Variants in CIC observed in about 807,000 individuals in gnomAD.
CIC encodes the protein protein capicua homolog.
In CIC, 18 loss-of-function variants were observed where a neutral mutation model predicts 115.7. The ratio of observed to expected loss-of-function variants is 0.16; its 90% CI spans 0.11 to 0.23. CIC has a LOEUF of 0.23. CIC is among the 10% of genes least tolerant of loss of function. The probability of loss-of-function intolerance (pLI) is 1.00; values close to 1 mark genes in which losing one functional copy is unlikely to be tolerated. For missense variants in CIC, 2,000 were observed against 2,159.3 expected (o/e 0.93, Z 1.46); for synonymous variants, 1,076 against 923.0 (o/e 1.17, Z -3.01).
chr19:42,270,037 C>A lies in CIC; in HGVS notation c.-11+656C>A, dbSNP rs73932879. Reference sequence around the variant, plus strand: ...TAGGGGAAAGAAAGCAGCTCTGGGGCGAAGAGAGGCTGGGCCAGGCAGCAA... The same window carrying A: ...TAGGGGAAAGAAAGCAGCTCTGGGGAGAAGAGAGGCTGGGCCAGGCAGCAA... On this transcript the variant is annotated intron_variant, in intron 1 of 20. Transcript: ENST00000681038. This position sits in a 1 kb window ranked among gnomAD's most constrained non-coding sequence, Gnocchi z 4.1. Among the ~76,000 whole-genome samples the A allele has an allele frequency of 0.026, 4,024 of 152,074 alleles. 164 individuals are homozygous for A. Among genetic ancestry groups the A allele is most frequent in the African/African-American group, 0.09 (3,728 of 41,450 alleles).
Position 42,292,158 on chromosome 19 carries a change from C to G in CIC, c.5686C>G (p.Pro1896Ala). 6.2e-7 allele frequency: 1 copy of G among 1,613,976 alleles called. No individual in the cohort carries two copies. The change falls in exon 13 of 21, where the codon CCT becomes GCT. Residue 1896 changes from proline (P) to alanine (A), a missense_variant. Pro to Ala is a conservative substitution (Grantham distance 27, BLOSUM62 -1). This residue lies in a region of CIC where 1,466 missense variants were observed against 1,390.4 expected (regional missense o/e 1.05). Transcript: ENST00000681038. ...LVPPLSPATL[P>A]GPTSQPQKVL... ...GCCGCCCCTGAGCCCAGCCACACTCCCTGGACCCACCTCTCAGCCTCAGAA... is the reference window on the plus strand; with the variant it reads ...GCCGCCCCTGAGCCCAGCCACACTCGCTGGACCCACCTCTCAGCCTCAGAA...
In CIC at chr19:42,287,986, C is replaced by T; in HGVS notation, c.3658+11C>T. 6.3e-7 allele frequency: 1 copy of T among 1,580,458 alleles called. No individual in the cohort carries two copies. The highest frequency in any genetic ancestry group is 1.3e-5 in the African/African-American group (1 of 74,570). ...CTGCTGCCCCTGGGGGTTAGTCAGCCCCTTGGCTCTCCCACCCTGCCACCT... is the reference window on the plus strand; with the variant it reads ...CTGCTGCCCCTGGGGGTTAGTCAGCTCCTTGGCTCTCCCACCCTGCCACCT... On this transcript the variant is annotated intron_variant, in intron 7 of 20. Coordinates refer to ENST00000681038, the MANE Select transcript of CIC (RefSeq NM_001386298.1). This position sits in a 1 kb window ranked among gnomAD's most constrained non-coding sequence, Gnocchi z 8.7.
intron 2 of CIC, among the ~76,000 whole-genome samples, chr19:42,285,969 C>T (rs938023543): frequency 6.6e-6 from 1 of 152,224 alleles, no homozygotes; most frequent in Non-Finnish European, 1.5e-5. Flanking sequence ...TCTCTTCTGG[C>T]CCATTGTCCG....
chr19:42,270,795 G>C lies in CIC; in HGVS notation c.-10-979G>C, dbSNP rs567064864. Among the ~76,000 whole-genome samples the C allele has an allele frequency of 6.6e-6, 1 of 152,306 alleles. No individual in the cohort carries two copies. Among genetic ancestry groups the C allele is most frequent in the South Asian group, 2.1e-4 (1 of 4,826 alleles). ...TCCAGTGGGACAGAGAAACCCTGGG[G>C]TGTAGCTCTGTGTCCCACTGTGTGA... On this transcript the variant is annotated intron_variant, in intron 1 of 20. Transcript: ENST00000681038. This position sits in a 1 kb window ranked among gnomAD's most constrained non-coding sequence, Gnocchi z 4.1.
intron 7 of CIC, 50 bp downstream of exon 7, chr19:42,288,025 C>T (rs1390393403): frequency 8.4e-6 from 13 of 1,547,414 alleles, no homozygotes; most frequent in Non-Finnish European, 1.1e-5. Context: ...TCCCCGAGAG[C>T]CACCAGCTAC....
In CIC at chr19:42,287,368, A is replaced by G. The variant is rs1335588867; in HGVS notation, c.3228A>G (p.Gly1076=). The G allele has an allele frequency of 6.2e-7, 1 of 1,614,110 alleles. No homozygotes were observed. The highest frequency in any genetic ancestry group is 8.5e-7 in the Non-Finnish European group (1 of 1,180,010). The change falls in exon 5 of 21, where the codon GGA becomes GGG. Residue 1076 remains glycine (G), a synonymous_variant. Coordinates refer to ENST00000681038, the MANE Select transcript of CIC (RefSeq NM_001386298.1). The surrounding 1 kb of genome is among the most constrained non-coding windows in gnomAD (Gnocchi z 8.7). ...AGATCCAGTTGCCTCTACCGCCCGG[A>G]AAACGTCGGACCCAGTCCCTCAGTG... ...SPEIQLPLPP[G]KRRTQSLSAL... is the part of the protein sequence containing the mutation.
At chr19:42,282,733 T>C (rs1209487422) in intron 2 of CIC, among the ~76,000 whole-genome samples, 1 of 152,214 alleles carries the variant, frequency 6.6e-6, no homozygotes, top group Non-Finnish European at 1.5e-5. Flanking sequence ...CTGAGGCTCA[T>C]TTTTTCACCT....
At chr19:42,290,126 G>A in intron 10 of CIC, 107 bp from the exon 11 acceptor site, 3 of 1,533,908 alleles carry the variant, frequency 2.0e-6, no homozygotes, top group Non-Finnish European at 2.7e-6. Flanking sequence ...TGGCAGGGGT[G>A]CAGCCCTAGG....
chr19:42,288,052 C>T, intron 7 of CIC, 77 bp downstream of exon 7: 1 of 1,497,758 alleles, frequency 6.7e-7, no homozygotes. Flanking sequence ...GCTTGCTCCT[C>T]CCCTGCCCCA....
rs2036891447 is a variant in CIC, at chr19:42,274,376, G to T, written c.2593G>T (p.Ala865Ser). The change falls in exon 2 of 21, where the codon GCC becomes TCC. Residue 865 changes from alanine to serine, a missense_variant. Ala to Ser is a moderately conservative substitution (Grantham distance 99). Coordinates refer to ENST00000681038, the MANE Select transcript of CIC (RefSeq NM_001386298.1). Reference sequence around the variant, plus strand: ...GCCTGGCCTGCCCCCACCTCTGCCAGCCCCCGTGCCCATCACCGTGCCTCC... The same window carrying T: ...GCCTGGCCTGCCCCCACCTCTGCCATCCCCCGTGCCCATCACCGTGCCTCC... The part of the protein sequence containing the change: ...GKPGLPPPLP[A>S]PVPITVPPAA... The T allele has an allele frequency of 5.0e-6, 2 of 398,740 alleles. No homozygotes were observed. The highest frequency in any genetic ancestry group is 8.8e-6 in the Non-Finnish European group (2 of 226,222). The allele number at this position is 398,740 out of a possible 1,614,324, so 24.7% of individuals were successfully genotyped here.
In CIC at chr19:42,290,796, G is replaced by A. The variant is rs1468293876; in HGVS notation, c.4755G>A (p.Val1585=). 1 of 1,610,200 alleles carries A rather than the reference G, an allele frequency of 6.2e-7. No homozygotes were observed. The highest frequency in any genetic ancestry group is 8.5e-7 in the Non-Finnish European group (1 of 1,178,600). Residue 1585 remains valine, a synonymous_variant, in exon 11 of 21, where the codon GTG becomes GTA. Coordinates refer to ENST00000681038, the MANE Select transcript of CIC (RefSeq NM_001386298.1). ...RPAATMVTNV[V]RPVSSTPVPI... is the part of the protein sequence containing the mutation. ...CCGCCACCATGGTCACCAATGTGGT[G>A]CGGCCTGTCAGCAGCACTCCTGTGC...
Position 42,292,552 on chromosome 19 carries a change from TCTC to T in CIC, c.5903-13_5903-11del, listed in dbSNP as rs747547080. ...CCTAACTTGGTCTCCTGCTTCTTCTTCTCTGTCTTTCAGCAGGCCAAGCCCCAC... is the reference window on the plus strand; with the variant it reads ...CCTAACTTGGTCTCCTGCTTCTTCTTTGTCTTTCAGCAGGCCAAGCCCCAC... On this transcript the variant is annotated splice_polypyrimidine_tract_variant and intron_variant, in intron 14 of 20. Coordinates refer to ENST00000681038, the MANE Select transcript of CIC (RefSeq NM_001386298.1). The T allele has an allele frequency of 8.7e-6, 14 of 1,612,146 alleles. No individual in the cohort carries two copies. Among genetic ancestry groups the T allele is most frequent in the South Asian group, 1.1e-5 (1 of 91,076 alleles).
rs186163661 is a variant in CIC, at chr19:42,293,418, C to T, written c.6522+137C>T. 28 of 1,349,172 alleles carry T rather than the reference C, an allele frequency of 2.1e-5. 1 individual carries two copies. The Admixed American group carries it at 2.6e-4, about 12-fold the overall frequency. 83.6% of individuals were successfully genotyped at this position (1,349,172 alleles called of 1,614,324 possible). A position where few individuals can be genotyped will look rare whatever the true frequency, so the allele number is the denominator to read the frequency against. ...AAAGGGTCCCCTCTGTCCCTTCTGC[C>T]TGCCTGTGTTGTCTCCTCTCCCATC... On this transcript the variant is annotated intron_variant, in intron 16 of 20. Transcript: ENST00000681038.
intron 16 of CIC, 103 bp from the exon 17 acceptor site, chr19:42,293,489 C>T (rs1030826935): frequency 1.9e-6 from 3 of 1,580,334 alleles, no homozygotes; most frequent in Non-Finnish European, 2.6e-6. Context: ...ACAGCCTTCT[C>T]AAGGGGTCTG....
At chr19:42,281,731 G>A (rs28496975) in intron 2 of CIC, among the ~76,000 whole-genome samples, 2,330 of 143,404 alleles carry the variant, frequency 0.016, 59 homozygotes, top group African/African-American at 0.053. Flanking sequence ...CCGGATTCCC[G>A]CCCCTCCCTG....
At position 42,292,482 on chromosome 19, in the gene CIC, G is replaced by A. The variant is rs1031835297; in HGVS notation, c.5902+16G>A. 1 of 1,611,192 alleles carries A rather than the reference G, an allele frequency of 6.2e-7. No homozygotes were observed. Among genetic ancestry groups the A allele is most frequent in the Non-Finnish European group, 8.5e-7 (1 of 1,179,074 alleles). ...CTGCTCTCAGGTGAGGGGCGGCCTGGCAGGCAGTGCTGGGGACCCAGGGTG... is the reference window on the plus strand; with the variant it reads ...CTGCTCTCAGGTGAGGGGCGGCCTGACAGGCAGTGCTGGGGACCCAGGGTG... On this transcript the variant is annotated intron_variant, in intron 14 of 20. Coordinates refer to ENST00000681038, the MANE Select transcript of CIC (RefSeq NM_001386298.1).
chr19:42,280,710 C>G lies in CIC; in HGVS notation c.2795-6061C>G, dbSNP rs1391285959. ...CCTGCACAAAGCGGCTTTGTGGAGC[C>G]TGCCGGGGGTTGGCTGGGGGCCAGG... On this transcript the variant is annotated intron_variant, in intron 2 of 20. Coordinates refer to ENST00000681038, the MANE Select transcript of CIC (RefSeq NM_001386298.1). This position sits in a 1 kb window ranked among gnomAD's most constrained non-coding sequence, Gnocchi z 4.9. Among the ~76,000 whole-genome samples the G allele has an allele frequency of 6.6e-6, 1 of 152,086 alleles. No individual in the cohort carries two copies.
At position 42,295,428 on chromosome 19, in the gene CIC, G is replaced by A. The variant is rs563248549; in HGVS notation, c.*237G>A. On this transcript the variant is annotated 3_prime_UTR_variant, in exon 21 of 21. Transcript: ENST00000681038. ...TCCTCCAAGCCCCTGTACATAACCT[G>A]GAGCGTGTGACCTTCAGAGCTTTTC... The A allele has an allele frequency of 5.3e-5, 28 of 526,394 alleles. No homozygotes were observed. Among genetic ancestry groups the A allele is most frequent in the African/African-American group, 5.0e-4 (26 of 52,264 alleles). 32.6% of individuals were successfully genotyped at this position (526,394 alleles called of 1,614,324 possible).
rs1009003221 is a variant in CIC at position 42,290,492 on chromosome 19, C to T, written c.4451C>T (p.Pro1484Leu). ...GSTAGPLRPP[P>L]PGAGGPATPS... ...ACAGCGGGCCCCCTACGGCCCCCACCCCCTGGGGCTGGGGGTCCAGCGACA... is the reference window on the plus strand; with the variant it reads ...ACAGCGGGCCCCCTACGGCCCCCACTCCCTGGGGCTGGGGGTCCAGCGACA... The change falls in exon 11 of 21, where the codon CCC becomes CTC. Residue 1484 changes from proline (P) to leucine (L), a missense_variant. Coordinates refer to ENST00000681038, the MANE Select transcript of CIC (RefSeq NM_001386298.1). The T allele has an allele frequency of 1.9e-6, 3 of 1,613,596 alleles. No individual in the cohort carries two copies. Among genetic ancestry groups the T allele is most frequent in the Admixed American group, 3.3e-5 (2 of 60,004 alleles).
Sources: gnomAD v4.1 joint callset for allele counts (sites outside exome capture counted in the v4.1 genomes callset) on GRCh38, gnomAD v4.1.1 for gene constraint, gnomAD v4.1.1 regional missense constraint, Gnocchi (gnomAD v3.1) non-coding constraint, MANE v1.5 for transcripts, NCBI Gene and HGNC (gene_info 2026-07-23, HGNC 2026-07-21) for gene names.